Variants in WDR86 observed in about 807,000 individuals in gnomAD.
The protein encoded by WDR86 is WD repeat-containing protein 86.
Under a neutral mutation model 36.5 loss-of-function variants are expected in WDR86, and 30 were observed. The ratio of observed to expected loss-of-function variants is 0.82; its 90% confidence interval spans 0.61 to 1.11. The LOEUF is 1.11. Among genes scored for constraint, WDR86 ranks in the 50% most tolerant of loss-of-function variants. WDR86 has a pLI of 0.00. For synonymous variants in WDR86, 255 were observed against 252.9 expected, an observed-to-expected ratio of 1.01 and a Z score of -0.08; for missense variants, 545 against 561.2, an observed-to-expected ratio of 0.97 and a Z score of 0.29.
At chr7:151,381,103 A>C (rs77335389), downstream of WDR86, 1 of 1,207,856 alleles carries the variant, frequency 8.3e-7, no homozygotes, top group Non-Finnish European at 1.0e-6. The surrounding 1 kb of genome is among the most constrained non-coding windows in gnomAD (Gnocchi z 4.8). Context: ...TTTGCAAAAC[A>C]AAAAGAGGAC....
At chr7:151,377,407 G>A, downstream of WDR86, 1 of 474,856 alleles carries the variant, frequency 2.1e-6, no homozygotes, top group Non-Finnish European at 3.7e-6. Context: ...TCTCGGGGAA[G>A]AAGCTTCCTC....
In WDR86 at chr7:151,381,741, GTGCACCT is replaced by G; in HGVS notation, c.967-2_971del. 1 of 1,513,214 alleles carries G rather than the reference GTGCACCT, an allele frequency of 6.6e-7. No homozygotes were observed. Among genetic ancestry groups the G allele is most frequent in the South Asian group, 1.3e-5 (1 of 78,762 alleles). 93.7% of individuals were successfully genotyped at this position (1,513,214 alleles called of 1,614,324 possible). On this transcript the variant is annotated splice_acceptor_variant and coding_sequence_variant, in exon 6 of 6. Transcript: ENST00000334493. LOFTEE classifies it high-confidence loss of function. This position sits in a 1 kb window ranked among gnomAD's most constrained non-coding sequence, Gnocchi z 4.8. ...GCGAGGCGGTGTAGAGCACCTGGCC[GTGCACCT>G]GCGGGCGCAGGGGCGGGCGTCACCG...
chr7:151,372,770 C>T (rs541462596), downstream of WDR86, among the ~76,000 whole-genome samples: 1 of 152,042 alleles, frequency 6.6e-6, no homozygotes, highest in Non-Finnish European at 1.5e-5. Flanking sequence ...AATGACGGAG[C>T]CTGCTGCCCT....
intron 4 of WDR86, 35 bp downstream of exon 4, chr7:151,385,053 G>A (rs1798864523): frequency 6.4e-7 from 1 of 1,555,790 alleles, no homozygotes; most frequent in Admixed American, 1.8e-5. Context: ...AGCCAGGCTG[G>A]GGTGGCACAG....
chr7:151,377,246 T>G, downstream of WDR86: 243 of 1,397,570 alleles, frequency 1.7e-4, no homozygotes, highest in Non-Finnish European at 2.2e-4. Flanking sequence ...GAAATAGCGC[T>G]AATTTTCTGC....
downstream of WDR86, among the ~76,000 whole-genome samples, chr7:151,375,602 C>A (rs1798179838): frequency 6.6e-6 from 1 of 152,236 alleles, no homozygotes; most frequent in African/African-American, 2.4e-5. Flanking sequence ...CACCTGCTCT[C>A]CATCCCTTCC....
At chr7:151,381,023 G>A (rs1191836628), downstream of WDR86, 3 of 566,982 alleles carry the variant, frequency 5.3e-6, no homozygotes, top group African/African-American at 3.9e-5. This position sits in a 1 kb window ranked among gnomAD's most constrained non-coding sequence, Gnocchi z 4.8. Context: ...GGTTGTGAGA[G>A]GCAGAGGGCA....
intron 1 of WDR86, among the ~76,000 whole-genome samples, chr7:151,402,070 A>ATATATATATAT (rs1554425363): frequency 2.8e-4 from 14 of 50,528 alleles, no homozygotes; most frequent in African/African-American, 5.9e-4. Flanking sequence ...AAAAAAAAAA[A>ATATATATATAT]ATATATATAT....
chr7:151,396,387 A>G (rs1244734537), intron 2 of WDR86, among the ~76,000 whole-genome samples, 191 bp from the exon 3 acceptor site: 1 of 152,142 alleles, frequency 6.6e-6, no homozygotes, highest in Non-Finnish European at 1.5e-5. Context: ...GACTCCCCTC[A>G]TGCCCACCCT....
chr7:151,399,731 T>G (rs1488598073), intron 2 of WDR86, among the ~76,000 whole-genome samples: 3 of 152,238 alleles, frequency 2.0e-5, no homozygotes, highest in African/African-American at 7.2e-5. Flanking sequence ...CCTGCAAACC[T>G]TTGGTCCACC....
intron 3 of WDR86, among the ~76,000 whole-genome samples, chr7:151,385,799 T>TCGC (rs1798935844): frequency 1.3e-5 from 2 of 152,078 alleles, no homozygotes; most frequent in African/African-American, 4.8e-5. Flanking sequence ...TGCTGCTGTC[T>TCGC]CGCAGGAGGT....
In WDR86 at chr7:151,388,751, G is replaced by C. The variant is rs1799177915; in HGVS notation, c.727-3528C>G. Among the ~76,000 whole-genome samples the C allele has an allele frequency of 1.3e-5, 2 of 152,210 alleles. No individual in the cohort carries two copies. On this transcript the variant is annotated intron_variant, in intron 3 of 5. Transcript: ENST00000334493. This position sits in a 1 kb window ranked among gnomAD's most constrained non-coding sequence, Gnocchi z 4.2. ...CAGGCTTCAGGGAAGCAGGGAGGAT[G>C]CTTTGTGGCCACCTGGTCCCCAGGC...
chr7:151,403,501 C>T (rs1012747931), intron 1 of WDR86, among the ~76,000 whole-genome samples: 5 of 152,166 alleles, frequency 3.3e-5, no homozygotes, highest in African/African-American at 1.2e-4. Context: ...CTTCCCCCGA[C>T]CCCCTGAGTT....
intron 3 of WDR86, among the ~76,000 whole-genome samples, chr7:151,393,624 C>T (rs1047880833): frequency 1.1e-4 from 16 of 152,144 alleles, no homozygotes; most frequent in African/African-American, 2.9e-4. Context: ...GGCCTCCCAG[C>T]GAACTCCTGG....
chr7:151,370,002 T>G, the WDR86 span, among the ~76,000 whole-genome samples: 1 of 152,210 alleles, frequency 6.6e-6, no homozygotes, highest in African/African-American at 2.4e-5. Context: ...CTGTGGTCAT[T>G]ACCTTTCTCT....
chr7:151,374,486 A>G, downstream of WDR86: 1 of 597,656 alleles, frequency 1.7e-6, no homozygotes, highest in Non-Finnish European at 3.0e-6. Flanking sequence ...CCACACCAGC[A>G]CAGTCCACAG....
In WDR86 at chr7:151,409,260, G is replaced by A. The variant is rs1388685092; in HGVS notation, c.163+167C>T. On this transcript the variant is annotated intron_variant, in intron 1 of 5. Transcript: ENST00000334493. The surrounding 1 kb of genome is among the most constrained non-coding windows in gnomAD (Gnocchi z 5.2). ...CAGACCTCACCCTGCCCTGCCGTGCGCTCAACAGCCAGATGCTGGGCCCAG... is the reference window on the plus strand; with the variant it reads ...CAGACCTCACCCTGCCCTGCCGTGCACTCAACAGCCAGATGCTGGGCCCAG... 6.7e-6 allele frequency: 8 copies of A among 1,195,408 alleles called. No homozygotes were observed. In the South Asian group the frequency reaches 8.8e-5, roughly 13 times the overall value. 74.1% of individuals were successfully genotyped at this position (1,195,408 alleles called of 1,614,324 possible). A position where few individuals can be genotyped will look rare whatever the true frequency, so the allele number is the denominator to read the frequency against.
At chr7:151,402,070 AAT>A (rs748373598) in intron 1 of WDR86, among the ~76,000 whole-genome samples, 1,463 of 50,428 alleles carry the variant, frequency 0.029, 101 homozygotes, top group African/African-American at 0.069. Context: ...AAAAAAAAAA[AAT>A]ATATATATAT....
rs1424929853 is a variant in WDR86, at chr7:151,385,155, C to T, written c.795G>A (p.Gly265=). 2 of 1,613,176 alleles carry T rather than the reference C, an allele frequency of 1.2e-6. No individual in the cohort carries two copies. Among genetic ancestry groups the T allele is most frequent in the Admixed American group, 1.7e-5 (1 of 60,028 alleles). ...RTVKCWLADT[G]ECVRTFTAHR... ...GGGCCGTGAACGTGCGCACACACTC[C>T]CCTGTGTCTGCCAGCCAGCACTTGA... The change falls in exon 4 of 6, where the codon GGG becomes GGA. Residue 265 remains glycine, a synonymous_variant. Transcript: ENST00000334493.
Sources: gnomAD v4.1 joint callset for allele counts (sites outside exome capture counted in the v4.1 genomes callset) on GRCh38, gnomAD v4.1.1 for gene constraint, Gnocchi (gnomAD v3.1) non-coding constraint, MANE v1.5 for transcripts, NCBI Gene and HGNC (gene_info 2026-07-23, HGNC 2026-07-21) for gene names.